Variants in TBC1D13 observed in about 807,000 individuals in gnomAD.
TBC1D13 encodes the protein TBC1 domain family member 13.
A neutral mutation model predicts 53.6 loss-of-function variants in TBC1D13; 40 were observed. The observed-to-expected ratio is 0.75, with a 90% CI of 0.58 to 0.97. The LOEUF (loss-of-function observed/expected upper bound fraction) is 0.97, where lower values mean the gene tolerates loss of function less well. TBC1D13 is among the 50% of genes least tolerant of loss of function. The pLI is 0.00. For missense variants in TBC1D13, 377 were observed against 499.4 expected (o/e 0.75, Z 2.34); for synonymous variants, 182 against 197.7 (o/e 0.92, Z 0.67).
At chr9:128,795,034 T>C (rs1829602678) in intron 6 of TBC1D13, among the ~76,000 whole-genome samples, 1 of 151,280 alleles carries the variant, frequency 6.6e-6, no homozygotes, top group South Asian at 2.1e-4. Flanking sequence ...CAAACCACCC[T>C]GTGTTTGTGC....
chr9:128,787,401 G>A (rs1829440486), intron 1 of TBC1D13, 25 bp downstream of exon 1: 2 of 1,255,920 alleles, frequency 1.6e-6, no homozygotes, highest in African/African-American at 1.5e-5. Flanking sequence ...GGCCTGACCC[G>A]GCTGGGCCAC....
chr9:128,800,689 A>C (rs1829716869), intron 7 of TBC1D13, among the ~76,000 whole-genome samples: 1 of 152,122 alleles, frequency 6.6e-6, no homozygotes, highest in African/African-American at 2.4e-5. Context: ...ATTTTCAAAC[A>C]TTCAGGAAAG....
chr9:128,804,187 C>G, intron 9 of TBC1D13, 68 bp downstream of exon 9: 1 of 1,566,482 alleles, frequency 6.4e-7, no homozygotes, highest in Non-Finnish European at 8.7e-7. Flanking sequence ...CATCCCAGCC[C>G]AGGGCGAGGT....
chr9:128,807,968 G>A lies in TBC1D13; in HGVS notation c.*89G>A. 7.7e-7 allele frequency: 1 copy of A among 1,292,756 alleles called. No individual in the cohort carries two copies. The highest frequency in any genetic ancestry group is 1.8e-5 in the Admixed American group (1 of 54,162). The allele number at this position is 1,292,756 out of a possible 1,614,324, so 80.1% of individuals were successfully genotyped here. On this transcript the variant is annotated 3_prime_UTR_variant, in exon 12 of 12. Coordinates refer to ENST00000372648, the MANE Select transcript of TBC1D13 (RefSeq NM_018201.5). ...ACACATAGAAACCTGTAGGAACCCA[G>A]CCTGAGGGGAAGCCACAGGATCGGC...
At chr9:128,802,737 A>ATTT (rs34161473) in intron 7 of TBC1D13, among the ~76,000 whole-genome samples, 60 of 137,440 alleles carry the variant, frequency 4.4e-4, no homozygotes, top group African/African-American at 1.4e-3. Context: ...CACATTGTCC[A>ATTT]TTTTTTTTTT....
chr9:128,806,665 G>A (rs1829840154), intron 11 of TBC1D13, among the ~76,000 whole-genome samples: 1 of 152,136 alleles, frequency 6.6e-6, no homozygotes, highest in African/African-American at 2.4e-5. Flanking sequence ...TGGGCTCACC[G>A]GGCGCGGTGG....
intron 7 of TBC1D13, among the ~76,000 whole-genome samples, 161 bp from the exon 8 acceptor site, chr9:128,803,089 T>C (rs747831389): frequency 4.6e-5 from 7 of 152,094 alleles, no homozygotes; most frequent in Non-Finnish European, 8.8e-5. Flanking sequence ...GGTCTTGCTC[T>C]ATCACCCAGG....
In TBC1D13 at chr9:128,788,391, G is replaced by T. The variant is rs1263976003; in HGVS notation, c.81G>T (p.Arg27=). The change falls in exon 2 of 12, where the codon CGG becomes CGT. Residue 27 remains arginine, a synonymous_variant. Coordinates refer to ENST00000372648, the MANE Select transcript of TBC1D13 (RefSeq NM_018201.5). ...KEPSIALEKL[R]ELSFSGIPCE... ...CCTCAATTGCATTGGAAAAGCTGCG[G>T]GAACTCAGCTTTAGTGGTAAGAAGC... 1 of 1,613,916 alleles carries T rather than the reference G, an allele frequency of 6.2e-7. No individual in the cohort carries two copies. The highest frequency in any genetic ancestry group is 1.7e-5 in the Admixed American group (1 of 59,994).
At chr9:128,803,532 C>G (rs548568345) in intron 8 of TBC1D13, 72 bp downstream of exon 8, 1 of 1,441,838 alleles carries the variant, frequency 6.9e-7, no homozygotes, top group East Asian at 2.3e-5. Context: ...CTTTCCCTCT[C>G]GGGCCTCTGT....
chr9:128,795,316 A>G lies in TBC1D13; in HGVS notation c.384-1739A>G, dbSNP rs1189759421. ...TCACTGCAACCTCCGGGTTCCAGTG[A>G]TTTCTCCTGCCTCAGCCTCCTGAGT... is the stretch of plus-strand genomic sequence containing the variant. On this transcript the variant is annotated intron_variant, in intron 6 of 11. Coordinates refer to ENST00000372648, the MANE Select transcript of TBC1D13 (RefSeq NM_018201.5). 2.1e-5 allele frequency among the ~76,000 whole-genome samples: 3 copies of G among 142,908 alleles called. 1 individual carries two copies. Among genetic ancestry groups the G allele is most frequent in the Non-Finnish European group, 4.5e-5 (3 of 66,336 alleles). The allele number at this position is 142,908 out of a possible 152,430, so 93.8% of individuals were successfully genotyped here.
rs925885489 is a variant in TBC1D13, at chr9:128,808,931, G to A, written c.*1052G>A. On this transcript the variant is annotated 3_prime_UTR_variant, in exon 12 of 12. Transcript: ENST00000372648. ...GGAAGAGGGGGAGCTGGTTTTTCTG[G>A]AGGTTCCCCCAGAGGCCCTCCTGTC... 2.6e-5 allele frequency: 4 copies of A among 152,268 alleles called. No homozygotes were observed. Among genetic ancestry groups the A allele is most frequent in the African/African-American group, 9.7e-5 (4 of 41,418 alleles). The allele number at this position is 152,268 out of a possible 1,614,324, so 9.4% of individuals were successfully genotyped here.
At chr9:128,788,197 C>A in intron 1 of TBC1D13, 137 bp from the exon 2 acceptor site, 1 of 706,206 alleles carries the variant, frequency 1.4e-6, no homozygotes, top group South Asian at 1.7e-5. Context: ...AGGACCTTGA[C>A]TAAGCTGTGT....
At chr9:128,807,212 G>A (rs1416717526) in intron 11 of TBC1D13, among the ~76,000 whole-genome samples, 1 of 150,600 alleles carries the variant, frequency 6.6e-6, no homozygotes, top group Non-Finnish European at 1.5e-5. Flanking sequence ...TTAGCCTCCC[G>A]AGTAGCTGGG....
intron 7 of TBC1D13, among the ~76,000 whole-genome samples, chr9:128,798,105 T>C (rs1259681890): frequency 2.0e-5 from 3 of 151,858 alleles, no homozygotes; most frequent in South Asian, 4.1e-4. Context: ...ATACAAAAAT[T>C]AGCTGGGCAT....
chr9:128,803,941 C>T lies in TBC1D13; in HGVS notation c.755-15C>T, dbSNP rs779982791. ...TGGAGTGCGCCACTTCTGCCCCCAT[C>T]CTGCTCTCTCCCAGAGCACGCCGAG... On this transcript the variant is annotated splice_polypyrimidine_tract_variant and intron_variant, in intron 8 of 11. Transcript: ENST00000372648. 12 of 1,611,860 alleles carry T rather than the reference C, an allele frequency of 7.4e-6. No homozygotes were observed. The South Asian group carries it at 1.3e-4, about 18-fold the overall frequency.
At chr9:128,787,837 G>C (rs981535809) in intron 1 of TBC1D13, among the ~76,000 whole-genome samples, 1 of 152,094 alleles carries the variant, frequency 6.6e-6, no homozygotes, top group Non-Finnish European at 1.5e-5. Flanking sequence ...TTTCCTTCAG[G>C]ACGTGTTTTT....
chr9:128,791,769 C>G (rs759558074), intron 5 of TBC1D13, 76 bp downstream of exon 5: 16 of 1,322,256 alleles, frequency 1.2e-5, no homozygotes, highest in Non-Finnish European at 1.5e-5. Context: ...GCAAGGGCCC[C>G]TGCATGCCAG....
In TBC1D13 at chr9:128,792,134, TGA is replaced by T. The variant is rs1380900282; in HGVS notation, c.301-354_301-353del. On this transcript the variant is annotated intron_variant, in intron 5 of 11. Coordinates refer to ENST00000372648, the MANE Select transcript of TBC1D13 (RefSeq NM_018201.5). ...ATTGACGACTCAGAGCATCGATGAATGAGAGCCGAAGAAACCAAATTCATTCA... is the reference window on the plus strand; with the variant it reads ...ATTGACGACTCAGAGCATCGATGAATGAGCCGAAGAAACCAAATTCATTCA... Among the ~76,000 whole-genome samples, 4 of 152,196 alleles carry T rather than the reference TGA, an allele frequency of 2.6e-5. 1 individual carries two copies. The highest frequency in any genetic ancestry group is 2.6e-4 in the Admixed American group (4 of 15,280).
chr9:128,800,512 C>T lies in TBC1D13; in HGVS notation c.544-2738C>T, dbSNP rs569606253. Among the ~76,000 whole-genome samples the T allele has an allele frequency of 7.1e-4, 108 of 151,548 alleles. 2 individuals are homozygous for T. The South Asian group carries it at 0.013, about 18-fold the overall frequency. ...TAGCCTCCTGAATAGCTGGGATCAT[C>T]GGCGCGTGCCACCACACCTGGCTAA... On this transcript the variant is annotated intron_variant, in intron 7 of 11. Transcript: ENST00000372648.
Sources: allele counts gnomAD v4.1 joint callset (sites outside exome capture counted in the v4.1 genomes callset), GRCh38; gene constraint gnomAD v4.1.1; transcripts MANE v1.5; gene names NCBI Gene and HGNC (gene_info 2026-07-23, HGNC 2026-07-21).